The following SARAF variants were observed in gnomAD, a reference collection of about 807,000 sequenced individuals.
SARAF encodes the protein store-operated calcium entry-associated regulatory factor.
Under a neutral mutation model 39.7 loss-of-function variants are expected in SARAF, and 23 were observed. The observed-to-expected ratio is 0.58, with a 90% CI of 0.42 to 0.82. SARAF has a LOEUF of 0.82. SARAF is among the 40% of genes least tolerant of loss of function. The probability of loss-of-function intolerance (pLI) is 0.00; values close to 1 mark genes in which losing one functional copy is unlikely to be tolerated. For missense variants in SARAF, 384 were observed against 418.5 expected (o/e 0.92, Z 0.72); for synonymous variants, 175 against 168.5 (o/e 1.04, Z -0.30).
chr8:30,075,098 C>T (rs1801926657), intron 1 of SARAF, among the ~76,000 whole-genome samples: 1 of 151,968 alleles, frequency 6.6e-6, no homozygotes. Context: ...CTCAGGAGTT[C>T]GAGACCAGCC....
At chr8:30,066,756 A>T in intron 4 of SARAF, 21 bp downstream of exon 4, 1 of 1,548,208 alleles carries the variant, frequency 6.5e-7, no homozygotes, top group Middle Eastern at 1.7e-4. Context: ...AGAGCAAGTG[A>T]GATCAATGCA....
At chr8:30,075,486 T>A (rs887515979) in intron 1 of SARAF, among the ~76,000 whole-genome samples, 1 of 152,126 alleles carries the variant, frequency 6.6e-6, no homozygotes, top group Non-Finnish European at 1.5e-5. Flanking sequence ...GCAGCTATAG[T>A]TGCCAAAAGC....
intron 4 of SARAF, among the ~76,000 whole-genome samples, chr8:30,066,560 A>G (rs1351965377): frequency 1.3e-5 from 2 of 152,200 alleles, no homozygotes; most frequent in Non-Finnish European, 2.9e-5. Flanking sequence ...CATAATATAT[A>G]TGAAGGTGAC....
At position 30,073,993 on chromosome 8, in the gene SARAF, G is replaced by C. The variant is rs746985965; in HGVS notation, c.166C>G (p.Arg56Gly). 1 of 1,614,186 alleles carries C rather than the reference G, an allele frequency of 6.2e-7. No individual in the cohort carries two copies. The highest frequency in any genetic ancestry group is 2.2e-5 in the East Asian group (1 of 44,878). Residue 56 changes from arginine to glycine, a missense_variant, in exon 2 of 6, where the codon CGC becomes GGC. Physicochemically the swap from Arg to Gly is moderately radical, Grantham distance 125. Coordinates refer to ENST00000256255, the MANE Select transcript of SARAF (RefSeq NM_016127.6). The stretch of plus-strand genomic sequence containing the variant: ...AACTGTGGGATGGGATCCAGCCTGC[G>C]GGAGGTGGTATAGCGGTCATAGTGG... ...TLHYDRYTTSRRLDPIPQLKC... is the reference protein window; with the variant it reads ...TLHYDRYTTSGRLDPIPQLKC...
Position 30,082,868 on chromosome 8 carries a change from C to A in SARAF, c.82G>T (p.Ala28Ser). 2 of 1,555,848 alleles carry A rather than the reference C, an allele frequency of 1.3e-6. No individual in the cohort carries two copies. Among genetic ancestry groups the A allele is most frequent in the Non-Finnish European group, 1.7e-6 (2 of 1,152,336 alleles). Reference sequence around the variant, plus strand: ...TCACCAGGGTCGTTCCAGCCCAGGGCAGGGCCCGCGGTCAGCAGAAACAAA... The same window carrying A: ...TCACCAGGGTCGTTCCAGCCCAGGGAAGGGCCCGCGGTCAGCAGAAACAAA... ...LHLFLLTAGP[A>S]LGWNDPDRML... The change falls in exon 1 of 6, where the codon GCC becomes TCC. Residue 28 changes from alanine to serine, a missense_variant. By Grantham distance (99) the Ala-to-Ser change is moderately conservative. Coordinates refer to ENST00000256255, the MANE Select transcript of SARAF (RefSeq NM_016127.6).
At chr8:30,067,766 T>C (rs190095259) in intron 3 of SARAF, among the ~76,000 whole-genome samples, 134 of 152,336 alleles carry the variant, frequency 8.8e-4, no homozygotes, top group African/African-American at 3.2e-3. Context: ...CCCATTCTAA[T>C]GTTTATGGAT....
At position 30,069,680 on chromosome 8, in the gene SARAF, G is replaced by A. The variant is rs933282636; in HGVS notation, c.662C>T (p.Ala221Val). The change falls in exon 3 of 6, where the codon GCA becomes GTA. Residue 221 changes from alanine (A) to valine (V), a missense_variant. Transcript: ENST00000256255. ...SHRYQRFTNS[A>V]GPPPPGFKSE... ...CTTAAAGCCTGGGGGAGGAGGTCCT[G>A]CTGAGTTGGTGAATCTCTGGTAACG... The A allele has an allele frequency of 6.2e-7, 1 of 1,613,998 alleles. No homozygotes were observed. The highest frequency in any genetic ancestry group is 1.3e-5 in the African/African-American group (1 of 74,898).
chr8:30,078,708 T>C (rs1303392694), intron 1 of SARAF, among the ~76,000 whole-genome samples: 1 of 152,140 alleles, frequency 6.6e-6, no homozygotes, highest in Non-Finnish European at 1.5e-5. Context: ...ACCCTATCTA[T>C]ATAAAAAATA....
intron 1 of SARAF, among the ~76,000 whole-genome samples, chr8:30,074,412 C>T (rs567857224): frequency 1.4e-4 from 21 of 152,226 alleles, no homozygotes; most frequent in African/African-American, 4.6e-4. Context: ...GTTCCTGAAG[C>T]ACATTTAATG....
intron 2 of SARAF, 46 bp from the exon 3 acceptor site, chr8:30,070,105 T>G: frequency 1.3e-6 from 2 of 1,485,360 alleles, no homozygotes; most frequent in Non-Finnish European, 1.8e-6. Context: ...AACATTTTTT[T>G]CATTTAATAT....
intron 2 of SARAF, among the ~76,000 whole-genome samples, chr8:30,071,503 T>C (rs1167779547): frequency 2.0e-5 from 3 of 152,268 alleles, no homozygotes; most frequent in Non-Finnish European, 4.4e-5. Context: ...ACACATACCA[T>C]ACAATTCACC....
chr8:30,077,618 A>G (rs1196961736), intron 1 of SARAF, among the ~76,000 whole-genome samples: 1 of 151,978 alleles, frequency 6.6e-6, no homozygotes, highest in African/African-American at 2.4e-5. Context: ...CCTGGCGAAC[A>G]CGGTGAAACC....
intron 1 of SARAF, among the ~76,000 whole-genome samples, chr8:30,079,034 G>A (rs558025318): frequency 5.2e-4 from 79 of 151,906 alleles, no homozygotes; most frequent in African/African-American, 1.5e-3. Flanking sequence ...GCATACGCCC[G>A]TAGTCCCAGC....
At chr8:30,070,089 GAAAC>G (rs1482120403) in intron 2 of SARAF, 30 bp from the exon 3 acceptor site, 3 of 1,555,308 alleles carry the variant, frequency 1.9e-6, no homozygotes, top group African/African-American at 1.4e-5. Context: ...CAGACTATTA[GAAAC>G]AAACATTTTT....
At chr8:30,075,300 C>CAAAAA (rs10717825) in intron 1 of SARAF, among the ~76,000 whole-genome samples, 1 of 130,806 alleles carries the variant, frequency 7.6e-6, no homozygotes, top group African/African-American at 2.8e-5. Flanking sequence ...AACTCCATCT[C>CAAAAA]AAAAAAAAAA....
intron 1 of SARAF, among the ~76,000 whole-genome samples, chr8:30,078,591 A>G (rs949124317): frequency 1.5e-4 from 23 of 152,360 alleles, no homozygotes; most frequent in African/African-American, 5.1e-4. Context: ...TTTGCCAACC[A>G]TCGCTTTGCT....
Position 30,063,779 on chromosome 8 carries a change from T to C in SARAF, c.*109A>G, listed in dbSNP as rs1801609190. On this transcript the variant is annotated 3_prime_UTR_variant, in exon 6 of 6. Coordinates refer to ENST00000256255, the MANE Select transcript of SARAF (RefSeq NM_016127.6). Reference sequence around the variant, plus strand: ...CACTGGACATAACACCACAGAACTTTTGAATATCCCCTTTTCCCAATTGTT... The same window carrying C: ...CACTGGACATAACACCACAGAACTTCTGAATATCCCCTTTTCCCAATTGTT... The C allele has an allele frequency of 3.1e-6, 3 of 971,520 alleles. No homozygotes were observed. The highest frequency in any genetic ancestry group is 2.1e-4 in the Middle Eastern group (1 of 4,784). The allele number at this position is 971,520 out of a possible 1,614,324, so 60.2% of individuals were successfully genotyped here. A position where few individuals can be genotyped will look rare whatever the true frequency, so the allele number is the denominator to read the frequency against.
At chr8:30,076,936 A>G (rs576155291) in intron 1 of SARAF, among the ~76,000 whole-genome samples, 105 of 152,330 alleles carry the variant, frequency 6.9e-4, no homozygotes, top group Non-Finnish European at 1.9e-4. Context: ...TAAACAGACA[A>G]AACAGCCCCT....
At chr8:30,075,957 A>G (rs1012160423) in intron 1 of SARAF, among the ~76,000 whole-genome samples, 11 of 147,036 alleles carry the variant, frequency 7.5e-5, no homozygotes, top group African/African-American at 2.5e-4. Flanking sequence ...CTGAGAATCA[A>G]CCTGATGTAC....
Sources: gnomAD v4.1 joint callset for allele counts (sites outside exome capture counted in the v4.1 genomes callset) on GRCh38, gnomAD v4.1.1 for gene constraint, MANE v1.5 for transcripts, NCBI Gene and HGNC (gene_info 2026-07-23, HGNC 2026-07-21) for gene names.